Variants in RBPMS observed in about 807,000 individuals in gnomAD.
RBPMS encodes RNA binding protein, mRNA processing factor.
Under a neutral mutation model 26.8 loss-of-function variants are expected in RBPMS, and 7 were observed. The observed-to-expected ratio is 0.26, with a 90% confidence interval of 0.15 to 0.49. The LOEUF (loss-of-function observed/expected upper bound fraction) is 0.49. RBPMS is among the 20% of genes least tolerant of loss of function. The pLI is 0.98. For synonymous variants in RBPMS, 96 were observed against 93.3 expected (o/e 1.03, Z -0.17); for missense variants, 186 against 250.0 (o/e 0.74, Z 1.73).
intron 6 of RBPMS, 59 bp from the exon 7 acceptor site, chr8:30,558,828 G>T: frequency 6.9e-7 from 1 of 1,442,032 alleles, no homozygotes; most frequent in Non-Finnish European, 9.8e-7. Flanking sequence ...AGGACCCTCC[G>T]TGAGAATGGG....
chr8:30,533,720 T>A (rs1474989965), intron 5 of RBPMS, among the ~76,000 whole-genome samples: 1 of 152,194 alleles, frequency 6.6e-6, no homozygotes, highest in African/African-American at 2.4e-5. Context: ...CAAAGAAGTG[T>A]AGAACAGATC....
intron 5 of RBPMS, among the ~76,000 whole-genome samples, chr8:30,508,812 A>T (rs968799113): frequency 1.3e-5 from 2 of 152,188 alleles, no homozygotes; most frequent in African/African-American, 4.8e-5. Flanking sequence ...TTAGTTTGTC[A>T]TAATACATAT....
intron 1 of RBPMS, among the ~76,000 whole-genome samples, chr8:30,443,396 G>T (rs1368005314): frequency 6.6e-6 from 1 of 152,136 alleles, no homozygotes; most frequent in Non-Finnish European, 1.5e-5. Context: ...CCCAGGCTTT[G>T]AACTGCTTGA....
chr8:30,532,396 T>C (rs182743691), intron 5 of RBPMS, among the ~76,000 whole-genome samples: 1 of 152,344 alleles, frequency 6.6e-6, no homozygotes, highest in Admixed American at 6.5e-5. Context: ...TTTTCCTATA[T>C]TAATGTCAGT....
intron 1 of RBPMS, among the ~76,000 whole-genome samples, chr8:30,432,657 G>A (rs969822475): frequency 6.6e-5 from 10 of 152,166 alleles, no homozygotes; most frequent in African/African-American, 2.4e-4. Context: ...GTAGTGTGTA[G>A]GCTTCTATGA....
chr8:30,508,087 G>T (rs1335050158), intron 5 of RBPMS, among the ~76,000 whole-genome samples: 1 of 152,048 alleles, frequency 6.6e-6, no homozygotes, highest in Non-Finnish European at 1.5e-5. Context: ...GTTCAAATGG[G>T]GCCCTTAGGG....
chr8:30,417,983 G>GTTGATATGT (rs1308661638), intron 1 of RBPMS, among the ~76,000 whole-genome samples: 6 of 152,108 alleles, frequency 3.9e-5, no homozygotes, highest in Non-Finnish European at 7.4e-5. Context: ...GTAACACATA[G>GTTGATATGT]GTATATGAAG....
chr8:30,428,626 GATAAA>G (rs1220743054), intron 1 of RBPMS, among the ~76,000 whole-genome samples: 7 of 152,198 alleles, frequency 4.6e-5, no homozygotes, highest in African/African-American at 1.4e-4. Context: ...TCTCAGCATA[GATAAA>G]ATAAAGAAAT....
chr8:30,467,001 T>A lies in RBPMS; in HGVS notation c.67-7778T>A, dbSNP rs10103721. 5.8e-3 allele frequency among the ~76,000 whole-genome samples: 879 copies of A among 152,308 alleles called. 12 individuals are homozygous for A. Among genetic ancestry groups the A allele is most frequent in the African/African-American group, 0.021 (854 of 41,556 alleles). On this transcript the variant is annotated intron_variant, in intron 1 of 8. Coordinates refer to ENST00000397323, the MANE Select transcript of RBPMS (RefSeq NM_001008710.3). ...CCAGGGCACAGAAAAGGAACAAGTC[T>A]TTTAAGTCCAATAGGTGACCATTAT...
intron 7 of RBPMS, among the ~76,000 whole-genome samples, chr8:30,560,257 T>C (rs1043088694): frequency 3.9e-5 from 6 of 152,148 alleles, no homozygotes; most frequent in African/African-American, 1.4e-4. Context: ...GTGGACTTCA[T>C]GTTTGAAGTT....
chr8:30,512,784 T>G (rs1011458465), intron 5 of RBPMS, among the ~76,000 whole-genome samples: 2 of 152,216 alleles, frequency 1.3e-5, no homozygotes, highest in African/African-American at 4.8e-5. Flanking sequence ...ATGAACACTT[T>G]TCTATCCAGG....
At chr8:30,449,515 C>T (rs1814294467) in intron 1 of RBPMS, among the ~76,000 whole-genome samples, 1 of 152,044 alleles carries the variant, frequency 6.6e-6, no homozygotes, top group Admixed American at 6.6e-5. Context: ...GGATTATAGG[C>T]ACCCGCCACC....
intron 5 of RBPMS, among the ~76,000 whole-genome samples, chr8:30,517,828 G>A (rs776902805): frequency 1.9e-4 from 29 of 152,218 alleles, no homozygotes; most frequent in Non-Finnish European, 3.4e-4. Flanking sequence ...AGCTGAACAT[G>A]AGAAAGATTT....
intron 1 of RBPMS, among the ~76,000 whole-genome samples, chr8:30,469,073 A>C (rs1463615507): frequency 6.6e-6 from 1 of 152,230 alleles, no homozygotes; most frequent in Non-Finnish European, 1.5e-5. Flanking sequence ...TAGTCTTTGG[A>C]TACTATGTGT....
rs1191909040 is a variant in RBPMS, at chr8:30,503,255, A to G, written c.247-1031A>G. The stretch of plus-strand genomic sequence containing the variant: ...GAGTAAGAGAGTCTTGTTTTTGTGG[A>G]TATTTCTTTTTTTGAGACAGAGTCT... On this transcript the variant is annotated intron_variant, in intron 4 of 8. Transcript: ENST00000397323. Among the ~76,000 whole-genome samples the G allele has an allele frequency of 2.6e-5, 4 of 151,632 alleles. No homozygotes were observed. The East Asian group carries it at 7.7e-4, about 29-fold the overall frequency.
intron 4 of RBPMS, among the ~76,000 whole-genome samples, chr8:30,481,498 T>G (rs1441124300): frequency 6.6e-6 from 1 of 152,120 alleles, no homozygotes; most frequent in African/African-American, 2.4e-5. Context: ...TGTTGTCTGG[T>G]CTTGAGGTCT....
chr8:30,477,126 C>T (rs961541626), intron 2 of RBPMS, among the ~76,000 whole-genome samples: 2 of 152,164 alleles, frequency 1.3e-5, no homozygotes, highest in African/African-American at 2.4e-5. Context: ...GCCATCGGCT[C>T]ACTGCAAGCT....
chr8:30,448,280 T>G (rs1310939059), intron 1 of RBPMS, among the ~76,000 whole-genome samples: 1 of 152,230 alleles, frequency 6.6e-6, no homozygotes, highest in African/African-American at 2.4e-5. Context: ...GCCCTTAACA[T>G]TAAGCATGTG....
intron 1 of RBPMS, among the ~76,000 whole-genome samples, chr8:30,455,118 C>T (rs954794988): frequency 9.2e-5 from 14 of 152,296 alleles, no homozygotes; most frequent in African/African-American, 2.4e-4. Context: ...CCACCATGCC[C>T]GGCCTCAAAT....
Sources: allele counts gnomAD v4.1 joint callset (sites outside exome capture counted in the v4.1 genomes callset), GRCh38; gene constraint gnomAD v4.1.1; transcripts MANE v1.5; gene names NCBI Gene and HGNC (gene_info 2026-07-23, HGNC 2026-07-21).